Variants in NDUFAF2 observed in about 807,000 individuals in gnomAD.
The protein encoded by NDUFAF2 is NADH dehydrogenase [ubiquinone] 1 alpha subcomplex assembly factor 2.
NDUFAF2 carries 13 observed loss-of-function variants against 22.8 expected under a neutral mutation model. The observed-to-expected ratio is 0.57, with a 90% CI of 0.37 to 0.91. The LOEUF is 0.91. Ranked by LOEUF, NDUFAF2 falls within the 40% of genes least tolerant of loss-of-function variation. The pLI is 0.01. For synonymous variants in NDUFAF2, 53 were observed against 64.2 expected (o/e 0.83, Z 0.84); for missense variants, 162 against 195.2 (o/e 0.83, Z 1.01).
At chr5:61,133,139 C>T (rs576629064) in intron 3 of NDUFAF2, among the ~76,000 whole-genome samples, 2 of 152,204 alleles carry the variant, frequency 1.3e-5, no homozygotes, top group African/African-American at 4.8e-5. Flanking sequence ...CAGTCACAGG[C>T]ACTATGGATG....
At chr5:61,069,361 G>A (rs979442772) in intron 1 of NDUFAF2, among the ~76,000 whole-genome samples, 7 of 152,164 alleles carry the variant, frequency 4.6e-5, no homozygotes, top group South Asian at 4.1e-4. Context: ...CTACAACCCA[G>A]TGTGGTCTGC....
At chr5:61,029,088 A>G (rs1319896228) in intron 1 of NDUFAF2, among the ~76,000 whole-genome samples, 2 of 151,912 alleles carry the variant, frequency 1.3e-5, no homozygotes, top group Non-Finnish European at 2.9e-5. Context: ...ATCTTTACCC[A>G]CTCTGACCCC....
intron 2 of NDUFAF2, among the ~76,000 whole-genome samples, chr5:61,091,310 A>G (rs184746977): frequency 2.1e-4 from 32 of 152,326 alleles, no homozygotes; most frequent in Non-Finnish European, 4.1e-4. Context: ...CCAACAATGT[A>G]TAGCATTCCT....
intron 1 of NDUFAF2, among the ~76,000 whole-genome samples, chr5:60,987,205 C>T (rs1185915330): frequency 6.6e-6 from 1 of 152,100 alleles, no homozygotes; most frequent in East Asian, 1.9e-4. Flanking sequence ...TGGACACATA[C>T]ATTCTCCCAA....
At chr5:61,052,606 G>A (rs570076035) in intron 1 of NDUFAF2, among the ~76,000 whole-genome samples, 2 of 152,268 alleles carry the variant, frequency 1.3e-5, no homozygotes, top group South Asian at 4.1e-4. Flanking sequence ...CACTGCGACT[G>A]GCATATTTGT....
chr5:61,073,193 G>C lies in NDUFAF2; in HGVS notation c.196G>C (p.Asp66His), dbSNP rs769579395. The change falls in exon 2 of 4, where the codon GAT becomes CAT. Residue 66 changes from aspartate to histidine, a missense_variant. By Grantham distance (81) the Asp-to-His change is moderately conservative (BLOSUM62 -1). Coordinates refer to ENST00000296597, the MANE Select transcript of NDUFAF2 (RefSeq NM_174889.5). ...NKKEVDYEAGDIPTEWEAWIR... is the reference protein window; with the variant it reads ...NKKEVDYEAGHIPTEWEAWIR... ...AAAAGAAGTAGACTATGAAGCAGGG[G>C]ATATTCCAACAGAATGGGAAGGTAA... 1.2e-5 allele frequency: 19 copies of C among 1,612,450 alleles called. No individual in the cohort carries two copies. In the East Asian group the frequency reaches 4.0e-4, roughly 34 times the overall value.
At chr5:61,012,643 A>G (rs1235794541) in intron 1 of NDUFAF2, among the ~76,000 whole-genome samples, 2 of 152,044 alleles carry the variant, frequency 1.3e-5, no homozygotes, top group Non-Finnish European at 2.9e-5. Flanking sequence ...AATATATATT[A>G]GTATTTCATG....
chr5:61,052,887 G>C (rs1430734339), intron 1 of NDUFAF2, among the ~76,000 whole-genome samples: 1 of 152,144 alleles, frequency 6.6e-6, no homozygotes, highest in East Asian at 1.9e-4. Flanking sequence ...ACATATTTGT[G>C]GTAGAGACCA....
intron 2 of NDUFAF2, among the ~76,000 whole-genome samples, chr5:61,075,149 G>A (rs960089977): frequency 6.6e-6 from 1 of 152,166 alleles, no homozygotes; most frequent in African/African-American, 2.4e-5. Context: ...AAAAAGGTTA[G>A]TTAATTTACC....
intron 3 of NDUFAF2, among the ~76,000 whole-genome samples, chr5:61,112,894 T>TC (rs1475987036): frequency 1.3e-5 from 2 of 151,534 alleles, no homozygotes; most frequent in Admixed American, 6.6e-5. Flanking sequence ...TATTCTTTTT[T>TC]TTTTTTTGTA....
intron 3 of NDUFAF2, among the ~76,000 whole-genome samples, chr5:61,150,812 A>G (rs1038906146): frequency 6.6e-6 from 1 of 152,098 alleles, no homozygotes; most frequent in African/African-American, 2.4e-5. Flanking sequence ...CAGGGACTTG[A>G]ATTTTTGTCT....
At chr5:61,072,520 A>G (rs1462920250) in intron 1 of NDUFAF2, among the ~76,000 whole-genome samples, 1 of 152,160 alleles carries the variant, frequency 6.6e-6, no homozygotes, top group Non-Finnish European at 1.5e-5. Context: ...AATATTTTTT[A>G]TTGGCCATTA....
chr5:61,147,566 G>T (rs560588024), intron 3 of NDUFAF2, among the ~76,000 whole-genome samples: 1 of 151,040 alleles, frequency 6.6e-6, no homozygotes, highest in African/African-American at 2.4e-5. Flanking sequence ...GAGCCACCAC[G>T]TACGGCTAGA....
intron 1 of NDUFAF2, among the ~76,000 whole-genome samples, chr5:60,945,803 G>A (rs1485581853): frequency 6.6e-6 from 1 of 152,210 alleles, no homozygotes; most frequent in African/African-American, 2.4e-5. Flanking sequence ...TTCGTACGCT[G>A]TTCCCCGCCT....
chr5:61,031,571 A>AGTATTCCATGGTATACTGCG (rs1561546159), intron 1 of NDUFAF2, among the ~76,000 whole-genome samples: 10 of 152,012 alleles, frequency 6.6e-5, no homozygotes, highest in African/African-American at 2.4e-4. Context: ...GGTATACTGC[A>AGTATTCCATGGTATACTGCG]TAGTATTCCA....
chr5:61,073,025 C>A (rs865816494), intron 1 of NDUFAF2, 100 bp from the exon 2 acceptor site: 8 of 753,708 alleles, frequency 1.1e-5, no homozygotes, highest in African/African-American at 8.8e-5. Flanking sequence ...TAATTTAATT[C>A]TTTTACTATA....
intron 1 of NDUFAF2, among the ~76,000 whole-genome samples, chr5:61,035,786 AT>A (rs1006255103): frequency 6.6e-6 from 1 of 152,160 alleles, no homozygotes; most frequent in African/African-American, 2.4e-5. Flanking sequence ...ATAATAAATT[AT>A]TAAGATATTT....
chr5:60,967,451 T>C (rs1395795498), intron 1 of NDUFAF2, among the ~76,000 whole-genome samples: 2 of 152,040 alleles, frequency 1.3e-5, no homozygotes, highest in African/African-American at 4.8e-5. Flanking sequence ...AACTTTTTAC[T>C]GTTGAGTATG....
chr5:60,990,632 G>T (rs1272327388), intron 1 of NDUFAF2, among the ~76,000 whole-genome samples: 1 of 152,022 alleles, frequency 6.6e-6, no homozygotes, highest in Non-Finnish European at 1.5e-5. Context: ...TGAGAGGATT[G>T]ACTTTGTACT....
Sources: gnomAD v4.1 joint callset for allele counts (sites outside exome capture counted in the v4.1 genomes callset) on GRCh38, gnomAD v4.1.1 for gene constraint, MANE v1.5 for transcripts, NCBI Gene and HGNC (gene_info 2026-07-23, HGNC 2026-07-21) for gene names.